AGPS: variants seen among roughly 807,000 people sequenced by gnomAD.
AGPS encodes alkyldihydroxyacetonephosphate synthase, peroxisomal.
A neutral mutation model predicts 90.7 loss-of-function variants in AGPS; 26 were observed. That is an observed-to-expected ratio of 0.29 (90% CI 0.21 to 0.40). The LOEUF is 0.40. AGPS is among the 10% of genes least tolerant of loss of function. AGPS has a pLI of 1.00. For missense variants in AGPS, 540 were observed against 816.1 expected (o/e 0.66, Z 4.12); for synonymous variants, 294 against 285.3 (o/e 1.03, Z -0.31).
intron 10 of AGPS, among the ~76,000 whole-genome samples, chr2:177,481,335 A>C (rs557974776): frequency 1.1e-4 from 17 of 152,088 alleles, no homozygotes; most frequent in South Asian, 1.0e-3. Flanking sequence ...TCCCTCTTAT[A>C]ATAAAGAAAA....
chr2:177,399,712 T>G (rs1236972368), intron 1 of AGPS, among the ~76,000 whole-genome samples: 1 of 152,214 alleles, frequency 6.6e-6, no homozygotes, highest in East Asian at 1.9e-4. Context: ...GTATTTAGAT[T>G]AAGAAACAGC....
intron 17 of AGPS, among the ~76,000 whole-genome samples, chr2:177,519,320 C>T (rs1689114004): frequency 6.6e-6 from 1 of 152,104 alleles, no homozygotes; most frequent in Non-Finnish European, 1.5e-5. Flanking sequence ...TTGTCAGTCT[C>T]CATTTAGGTA....
At chr2:177,510,104 T>A (rs1688828180) in intron 16 of AGPS, among the ~76,000 whole-genome samples, 1 of 152,218 alleles carries the variant, frequency 6.6e-6, no homozygotes. Context: ...CAGTTTGGCC[T>A]GCTATACAGA....
intron 10 of AGPS, among the ~76,000 whole-genome samples, chr2:177,472,957 A>G (rs1384324799): frequency 6.6e-6 from 1 of 152,046 alleles, no homozygotes; most frequent in Admixed American, 6.6e-5. Context: ...AGTCCTGTAT[A>G]ATATTTTGGC....
chr2:177,463,993 G>A (rs1046746844), intron 9 of AGPS, among the ~76,000 whole-genome samples: 4 of 152,156 alleles, frequency 2.6e-5, no homozygotes, highest in African/African-American at 9.7e-5. Flanking sequence ...CCAGGCTGGA[G>A]TGCAGTGGCA....
At chr2:177,481,197 A>G (rs2105692454) in intron 10 of AGPS, among the ~76,000 whole-genome samples, 1 of 152,178 alleles carries the variant, frequency 6.6e-6, no homozygotes, top group Non-Finnish European at 1.5e-5. Flanking sequence ...CTCTTTTTTA[A>G]AAATGATGCT....
At chr2:177,501,215 T>G (rs1688552279) in intron 14 of AGPS, among the ~76,000 whole-genome samples, 1 of 151,872 alleles carries the variant, frequency 6.6e-6, no homozygotes, top group Non-Finnish European at 1.5e-5. Flanking sequence ...GTATATAGAG[T>G]TAAATTTGCT....
At chr2:177,424,974 T>C (rs1396260908) in intron 2 of AGPS, among the ~76,000 whole-genome samples, 2 of 152,246 alleles carry the variant, frequency 1.3e-5, no homozygotes, top group South Asian at 4.1e-4. Context: ...CTCTGGATAT[T>C]AGACCTTTGT....
At chr2:177,468,276 AATTCTT>A in intron 9 of AGPS, 134 bp from the exon 10 acceptor site, 1 of 527,068 alleles carries the variant, frequency 1.9e-6, no homozygotes. Flanking sequence ...AAGATACTAG[AATTCTT>A]AAAAGCATCA....
chr2:177,429,911 A>G (rs182293522), intron 2 of AGPS, among the ~76,000 whole-genome samples: 2 of 152,340 alleles, frequency 1.3e-5, no homozygotes, highest in Admixed American at 1.3e-4. Context: ...ACTGAACTGC[A>G]GAGACATCGG....
intron 10 of AGPS, among the ~76,000 whole-genome samples, chr2:177,481,230 A>G (rs1687934784): frequency 6.6e-6 from 1 of 152,084 alleles, no homozygotes; most frequent in African/African-American, 2.4e-5. Flanking sequence ...TAATAAAGTT[A>G]TTAATTTCTA....
At chr2:177,491,147 C>CATA (rs398071445) in intron 11 of AGPS, among the ~76,000 whole-genome samples, 2 of 151,002 alleles carry the variant, frequency 1.3e-5, no homozygotes, top group Admixed American at 6.6e-5. Context: ...AGCCGCCATA[C>CATA]CCAGCCTAGG....
chr2:177,425,275 A>C (rs1345740588), intron 2 of AGPS, among the ~76,000 whole-genome samples: 5 of 152,216 alleles, frequency 3.3e-5, no homozygotes, highest in African/African-American at 1.2e-4. Context: ...GAAGGGATAT[A>C]GTTTCAATTT....
chr2:177,499,497 CA>C (rs1437497787), intron 13 of AGPS, 120 bp from the exon 14 acceptor site: 315 of 654,046 alleles, frequency 4.8e-4, no homozygotes, highest in Middle Eastern at 4.6e-3. Context: ...TTCCAAAGCT[CA>C]ATTTTTAAGA....
intron 17 of AGPS, 95 bp from the exon 18 acceptor site, chr2:177,521,174 C>CTA: frequency 9.5e-7 from 1 of 1,047,728 alleles, no homozygotes; most frequent in South Asian, 1.3e-5. Context: ...ATATCTTAAA[C>CTA]TAATCATTTG....
chr2:177,459,984 C>T (rs1687242644), intron 8 of AGPS, among the ~76,000 whole-genome samples: 1 of 152,126 alleles, frequency 6.6e-6, no homozygotes, highest in Admixed American at 6.5e-5. Flanking sequence ...ACTATGCAGC[C>T]ATAAAAAAGG....
intron 8 of AGPS, among the ~76,000 whole-genome samples, chr2:177,459,756 G>A (rs926347372): frequency 1.3e-5 from 2 of 152,296 alleles, no homozygotes; most frequent in East Asian, 3.9e-4. Context: ...AGACAGTGTG[G>A]CAATTTCTCA....
intron 1 of AGPS, among the ~76,000 whole-genome samples, chr2:177,404,231 C>T (rs560256612): frequency 2.6e-5 from 4 of 152,084 alleles, no homozygotes; most frequent in Non-Finnish European, 2.9e-5. Context: ...CAAAACATGA[C>T]CACAGGGAGC....
chr2:177,532,499 G>A (rs924542483), intron 19 of AGPS, among the ~76,000 whole-genome samples: 3 of 152,126 alleles, frequency 2.0e-5, no homozygotes, highest in African/African-American at 4.8e-5. Flanking sequence ...TGAATCACTC[G>A]TACATTGCTT....
Sources: gnomAD v4.1 joint callset for allele counts (sites outside exome capture counted in the v4.1 genomes callset) on GRCh38, gnomAD v4.1.1 for gene constraint, MANE v1.5 for transcripts, NCBI Gene and HGNC (gene_info 2026-07-23, HGNC 2026-07-21) for gene names.